LRRTM3: variants seen among roughly 807,000 people sequenced by gnomAD.
The protein encoded by LRRTM3 is leucine-rich repeat transmembrane neuronal protein 3.
Under a neutral mutation model 44.7 loss-of-function variants are expected in LRRTM3, and 24 were observed. That is an observed-to-expected ratio of 0.54 (90% confidence interval 0.39 to 0.76). LRRTM3 has a LOEUF of 0.76. Ranked by LOEUF, LRRTM3 falls within the 30% of genes least tolerant of loss-of-function variation. The pLI is 0.00. For missense variants in LRRTM3, 587 were observed against 702.2 expected (o/e 0.84, Z 1.85); for synonymous variants, 277 against 278.7 (o/e 0.99, Z 0.06).
intron 2 of LRRTM3, among the ~76,000 whole-genome samples, chr10:67,021,962 T>G: frequency 6.6e-6 from 1 of 152,072 alleles, no homozygotes; most frequent in East Asian, 1.9e-4. Context: ...ACTAAAAAGG[T>G]TTATTCATGC....
rs2131934299 is a variant in LRRTM3 at position 67,097,775 on chromosome 10, C to A, written c.1725C>A (p.Asp575Glu). The A allele has an allele frequency of 1.2e-6, 2 of 1,612,260 alleles. No individual in the cohort carries two copies. Among genetic ancestry groups the A allele is most frequent in the East Asian group, 2.2e-5 (1 of 44,824 alleles). Reference protein sequence around the residue: ...STITTAGRISDHKQQLA With the variant: ...STITTAGRISEHKQQLA ...TCACAACAGCTGGCCGAATCAGTGA[C>A]CATAAACAGCAGCTAGCTTAACTGA... Residue 575 changes from aspartate (D) to glutamate (E), a missense_variant, in exon 3 of 3, where the codon GAC becomes GAA. Asp to Glu is a conservative substitution (Grantham distance 45). Around this residue, in one of 3 missense-constraint regions of LRRTM3, gnomAD observed 315 missense variants for 335.6 expected, o/e 0.94. Coordinates refer to ENST00000361320, the MANE Select transcript of LRRTM3 (RefSeq NM_178011.5).
chr10:66,991,888 T>C (rs919754466), intron 2 of LRRTM3, among the ~76,000 whole-genome samples: 4 of 152,188 alleles, frequency 2.6e-5, no homozygotes, highest in African/African-American at 4.8e-5. Flanking sequence ...AGAAATCTCA[T>C]TCTAGAAAAG....
intron 2 of LRRTM3, among the ~76,000 whole-genome samples, chr10:67,068,915 C>G (rs10997492): frequency 0.12 from 18,170 of 152,076 alleles, 1,296 homozygotes; most frequent in African/African-American, 0.2. Context: ...CAGAAATTAG[C>G]TGGGCCTGGT....
chr10:67,078,387 GAGAA>G (rs1049718015), intron 2 of LRRTM3, among the ~76,000 whole-genome samples: 20 of 152,268 alleles, frequency 1.3e-4, no homozygotes, highest in African/African-American at 4.8e-4. Context: ...GTAAGGAAAT[GAGAA>G]AGAAAATGAT....
In LRRTM3 at chr10:66,965,221, GT is replaced by G. The variant is rs951026631; in HGVS notation, c.1536+36776del. Among the ~76,000 whole-genome samples the G allele has an allele frequency of 1.1e-3, 169 of 151,592 alleles. 2 individuals are homozygous for G. The highest frequency in any genetic ancestry group is 4.0e-3 in the African/African-American group (164 of 41,298). The stretch of plus-strand genomic sequence containing the variant: ...CTCCAGGTTGTGTTTAAAAAGCTGG[GT>G]TTTTTTGGGGTTTTTTTGTTTGTTT... On this transcript the variant is annotated intron_variant, in intron 2 of 2. Coordinates refer to ENST00000361320, the MANE Select transcript of LRRTM3 (RefSeq NM_178011.5).
Position 66,968,449 on chromosome 10 carries a change from A to C in LRRTM3, c.1536+39997A>C, listed in dbSNP as rs188787625. 6.7e-4 allele frequency among the ~76,000 whole-genome samples: 101 copies of C among 151,590 alleles called. 1 individual carries two copies. In the East Asian group the frequency reaches 0.015, roughly 23 times the overall value. ...AAGAGACAAGATGAATTTAAACTAG[A>C]GAAAATACAATTTTAGAACCACATT... On this transcript the variant is annotated intron_variant, in intron 2 of 2. Coordinates refer to ENST00000361320, the MANE Select transcript of LRRTM3 (RefSeq NM_178011.5).
At chr10:67,097,049 C>T (rs141424935) in intron 2 of LRRTM3, among the ~76,000 whole-genome samples, 80 of 151,902 alleles carry the variant, frequency 5.3e-4, no homozygotes, top group Middle Eastern at 6.8e-3. Flanking sequence ...AGTCCAGCAT[C>T]ATATAGGAAC....
At chr10:67,094,765 A>T (rs1857866095) in intron 2 of LRRTM3, among the ~76,000 whole-genome samples, 1 of 151,746 alleles carries the variant, frequency 6.6e-6, no homozygotes, top group African/African-American at 2.4e-5. Flanking sequence ...TCAGTGCAAA[A>T]TATTCATAAT....
intron 2 of LRRTM3, among the ~76,000 whole-genome samples, chr10:67,008,143 G>T (rs1380884294): frequency 6.6e-6 from 1 of 151,490 alleles, no homozygotes; most frequent in Non-Finnish European, 1.5e-5. Context: ...ACTCCAAAAT[G>T]TATTGTGTAA....
chr10:67,031,478 T>C (rs1328842858), intron 2 of LRRTM3, among the ~76,000 whole-genome samples: 2 of 152,166 alleles, frequency 1.3e-5, no homozygotes, highest in Non-Finnish European at 2.9e-5. Context: ...TTCAAAGATT[T>C]TCAAGAAAAT....
In LRRTM3 at chr10:66,978,538, A is replaced by ATAATAAAATAAAAATAAAAAAAAT. The variant is rs1564808459; in HGVS notation, c.1536+50086_1536+50087insTAATAAAATAAAAATAAAAAAAAT. ...TGAGACTCCATCTCAAAAAAAAAAAAAAAAAAAAAAAAAAATATATATATA... is the reference window on the plus strand; with the variant it reads ...TGAGACTCCATCTCAAAAAAAAAAAATAATAAAATAAAAATAAAAAAAATAAAAAAAAAAAAAAATATATATATA... On this transcript the variant is annotated intron_variant, in intron 2 of 2. Coordinates refer to ENST00000361320, the MANE Select transcript of LRRTM3 (RefSeq NM_178011.5). Among the ~76,000 whole-genome samples the ATAATAAAATAAAAATAAAAAAAAT allele has an allele frequency of 4.5e-5, 4 of 89,104 alleles. No individual in the cohort carries two copies. The South Asian group carries it at 1.3e-3, about 29-fold the overall frequency. The allele number at this position is 89,104 out of a possible 152,430, so 58.5% of individuals were successfully genotyped here.
chr10:67,061,067 A>T (rs1240752752), intron 2 of LRRTM3, among the ~76,000 whole-genome samples: 3 of 152,148 alleles, frequency 2.0e-5, no homozygotes, highest in African/African-American at 7.2e-5. Context: ...ATAAAAATTC[A>T]TTAATTCTAT....
At chr10:67,027,707 G>A (rs950028917) in intron 2 of LRRTM3, among the ~76,000 whole-genome samples, 1 of 149,766 alleles carries the variant, frequency 6.7e-6, no homozygotes, top group Non-Finnish European at 1.5e-5. Context: ...GGGATTACAG[G>A]CATGAGCCAC....
chr10:66,957,442 GCA>G (rs1848876831), intron 2 of LRRTM3, among the ~76,000 whole-genome samples: 4 of 106,306 alleles, frequency 3.8e-5, no homozygotes, highest in Non-Finnish European at 6.0e-5. Flanking sequence ...ATATATATAT[GCA>G]TATATATATA....
chr10:67,097,425 T>G (rs1002606704), intron 2 of LRRTM3, among the ~76,000 whole-genome samples, 162 bp from the exon 3 acceptor site: 1 of 151,758 alleles, frequency 6.6e-6, no homozygotes, highest in African/African-American at 2.4e-5. Context: ...TCTCACCATA[T>G]AGGAATAGGG....
intron 2 of LRRTM3, among the ~76,000 whole-genome samples, chr10:66,948,491 T>C (rs1167970988): frequency 2.0e-5 from 3 of 152,238 alleles, no homozygotes; most frequent in Non-Finnish European, 4.4e-5. Flanking sequence ...TTGTGACAAC[T>C]GACCGATTCT....
At chr10:66,950,250 AT>A (rs1171568917) in intron 2 of LRRTM3, among the ~76,000 whole-genome samples, 1 of 152,130 alleles carries the variant, frequency 6.6e-6, no homozygotes, top group Non-Finnish European at 1.5e-5. Flanking sequence ...ATTGTATATT[AT>A]TATTATTTTA....
chr10:66,975,061 T>C (rs1299936131), intron 2 of LRRTM3, among the ~76,000 whole-genome samples: 1 of 152,148 alleles, frequency 6.6e-6, no homozygotes, highest in Non-Finnish European at 1.5e-5. Flanking sequence ...TAGACTCCAT[T>C]AAGACTCGCC....
intron 2 of LRRTM3, among the ~76,000 whole-genome samples, chr10:67,048,884 C>G (rs575248487): frequency 6.6e-6 from 1 of 152,192 alleles, no homozygotes; most frequent in South Asian, 2.1e-4. Context: ...TTTTATAAAA[C>G]TTTATTATCC....
Sources: allele counts gnomAD v4.1 joint callset (sites outside exome capture counted in the v4.1 genomes callset), GRCh38; gene constraint gnomAD v4.1.1; regional missense constraint gnomAD v4.1.1; transcripts MANE v1.5; gene names NCBI Gene and HGNC (gene_info 2026-07-23, HGNC 2026-07-21).